CDC25A: variants seen among roughly 807,000 people sequenced by gnomAD.
CDC25A encodes M-phase inducer phosphatase 1.
A neutral mutation model predicts 64.6 loss-of-function variants in CDC25A; 17 were observed. The observed-to-expected ratio is 0.26, with a 90% confidence interval of 0.18 to 0.39. The LOEUF (loss-of-function observed/expected upper bound fraction) is 0.39. CDC25A is among the 10% of genes least tolerant of loss of function. CDC25A has a pLI of 1.00. For synonymous variants in CDC25A, 229 were observed against 238.6 expected, an observed-to-expected ratio of 0.96 and a Z score of 0.37; for missense variants, 473 against 654.8, an observed-to-expected ratio of 0.72 and a Z score of 3.03.
At position 48,182,980 on chromosome 3, in the gene CDC25A, A is replaced by G. The variant is rs2032721167; in HGVS notation, c.378T>C (p.Ser126=). 8 of 1,613,836 alleles carry G rather than the reference A, an allele frequency of 5.0e-6. No individual in the cohort carries two copies. Among genetic ancestry groups the G allele is most frequent in the Non-Finnish European group, 6.8e-6 (8 of 1,179,786 alleles). Residue 126 remains serine (S), a synonymous_variant, in exon 5 of 15, where the codon TCT becomes TCC. Transcript: ENST00000302506. ...TGAGCTGAAAGATGTCATGGTCAAGAGAATCAGAATGGCTCCTCTTCAGAG... is the reference window on the plus strand; with the variant it reads ...TGAGCTGAAAGATGTCATGGTCAAGGGAATCAGAATGGCTCCTCTTCAGAG... The part of the protein sequence containing the change: ...SPALKRSHSD[S]LDHDIFQLID...
At chr3:48,181,620 G>C (rs1045300070) in intron 5 of CDC25A, 2 of 1,432,410 alleles carry the variant, frequency 1.4e-6, no homozygotes. Context: ...TTTGTCACTG[G>C]ATGTTATTTA....
rs1219411865 is a variant in CDC25A at position 48,187,804 on chromosome 3, A to C, written c.144T>G (p.Thr48=). The C allele has an allele frequency of 1.3e-6, 2 of 1,548,270 alleles. No homozygotes were observed. The change falls in exon 1 of 15, where the codon ACT becomes ACG. Residue 48 remains threonine (T), a synonymous_variant. Coordinates refer to ENST00000302506, the MANE Select transcript of CDC25A (RefSeq NM_001789.3). ...GLSPVTNLTV[T]MDQLQGLGSD... ...TGCCCAGACCCTGCAGCTGGTCCATAGTGACGGTCAGGTTGGTGACAGGCG... is the reference window on the plus strand; with the variant it reads ...TGCCCAGACCCTGCAGCTGGTCCATCGTGACGGTCAGGTTGGTGACAGGCG...
At position 48,157,882 on chromosome 3, in the gene CDC25A, T is replaced by C. The variant is rs962935770; in HGVS notation, c.*1063A>G. Reference sequence around the variant, plus strand: ...TCCATCCAACACTGATTTGATACTCTTTGACTCATAATATGACCATTTTTT... The same window carrying C: ...TCCATCCAACACTGATTTGATACTCCTTGACTCATAATATGACCATTTTTT... On this transcript the variant is annotated 3_prime_UTR_variant, in exon 15 of 15. Coordinates refer to ENST00000302506, the MANE Select transcript of CDC25A (RefSeq NM_001789.3). 1 of 152,662 alleles carries C rather than the reference T, an allele frequency of 6.6e-6. No individual in the cohort carries two copies. Among genetic ancestry groups the C allele is most frequent in the African/African-American group, 2.4e-5 (1 of 41,444 alleles). 9.5% of individuals were successfully genotyped at this position (152,662 alleles called of 1,614,324 possible).
chr3:48,180,940 C>T (rs908977790), intron 5 of CDC25A, 100 bp from the exon 6 acceptor site: 3 of 1,147,598 alleles, frequency 2.6e-6, no homozygotes, highest in East Asian at 2.4e-5. Flanking sequence ...ACCTTTCTGC[C>T]TCCAAATTAA....
intron 9 of CDC25A, among the ~76,000 whole-genome samples, chr3:48,171,142 C>T (rs1255404490): frequency 6.6e-6 from 1 of 151,826 alleles, no homozygotes; most frequent in South Asian, 2.1e-4. Context: ...GAGGCCAAGG[C>T]GGATATATCA....
intron 12 of CDC25A, among the ~76,000 whole-genome samples, chr3:48,165,107 C>CAAAAAAAAAAAAAAAAAAAAAAA (rs11370901): frequency 1.2e-5 from 1 of 84,972 alleles, no homozygotes; most frequent in Non-Finnish European, 2.3e-5. Flanking sequence ...GACTCTGTCT[C>CAAAAAAAAAAAAAAAAAAAAAAA]AAAAAAAAAA....
chr3:48,174,321 C>A lies in CDC25A; in HGVS notation c.893G>T (p.Ser298Ile), dbSNP rs1268373128. 1.2e-6 allele frequency: 2 copies of A among 1,614,118 alleles called. No homozygotes were observed. Among genetic ancestry groups the A allele is most frequent in the Non-Finnish European group, 8.5e-7 (1 of 1,180,000 alleles). ...CTCTGGATTAGTTGACTCTTTGGGG[C>A]TGGCCCCAGACATGCTCTTCCTCCT... is the stretch of plus-strand genomic sequence containing the variant. ...TKRRKSMSGA[S>I]PKESTNPEKA... The change falls in exon 9 of 15, where the codon AGC (serine) becomes ATC (isoleucine). Residue 298 changes from serine to isoleucine, a missense_variant. Physicochemically the swap from Ser to Ile is moderately radical, Grantham distance 142. This residue lies in a region of CDC25A where 376 missense variants were observed against 431.9 expected (regional missense o/e 0.87). Coordinates refer to ENST00000302506, the MANE Select transcript of CDC25A (RefSeq NM_001789.3).
In CDC25A at chr3:48,165,952, T is replaced by C. The variant is rs190595789; in HGVS notation, c.1030-59A>G. 707 of 1,165,004 alleles carry C rather than the reference T, an allele frequency of 6.1e-4. 3 individuals are homozygous for C. The African/African-American group carries it at 8.8e-3, about 14-fold the overall frequency. The allele number at this position is 1,165,004 out of a possible 1,614,324, so 72.2% of individuals were successfully genotyped here. A position where few individuals can be genotyped will look rare whatever the true frequency, so the allele number is the denominator to read the frequency against. On this transcript the variant is annotated intron_variant, in intron 10 of 14. Coordinates refer to ENST00000302506, the MANE Select transcript of CDC25A (RefSeq NM_001789.3). ...AAAGCCTATATATTATTCACACTTATACTGTTTTGTCTGGCTGGTAGGAGG... is the reference window on the plus strand; with the variant it reads ...AAAGCCTATATATTATTCACACTTACACTGTTTTGTCTGGCTGGTAGGAGG...
At chr3:48,169,779 G>GCA (rs1157089498) in intron 9 of CDC25A, among the ~76,000 whole-genome samples, 2 of 152,152 alleles carry the variant, frequency 1.3e-5, no homozygotes, top group African/African-American at 4.8e-5. Context: ...AGGCCGAGGT[G>GCA]AGTGGATCAC....
At chr3:48,183,125 G>T (rs1212871940) in intron 4 of CDC25A, 95 bp from the exon 5 acceptor site, 5 of 779,396 alleles carry the variant, frequency 6.4e-6, no homozygotes, top group Non-Finnish European at 8.8e-6. Context: ...GGTTGAATAG[G>T]GGGTAGACTA....
chr3:48,188,367 T>G lies in CDC25A; in HGVS notation c.-420A>C. The G allele has an allele frequency of 1.2e-5, 2 of 160,426 alleles. No homozygotes were observed. Among genetic ancestry groups the G allele is most frequent in the Non-Finnish European group, 1.4e-5 (1 of 73,774 alleles). 9.9% of individuals were successfully genotyped at this position (160,426 alleles called of 1,614,324 possible). ...GAAAACCAAGCCGACCTACACCTCT[T>G]ACCCAGGCTGTCGCAGCCAGGCCGG... On this transcript the variant is annotated 5_prime_UTR_variant, in exon 1 of 15. Coordinates refer to ENST00000302506, the MANE Select transcript of CDC25A (RefSeq NM_001789.3).
intron 4 of CDC25A, 45 bp downstream of exon 4, chr3:48,183,755 A>AC: frequency 8.0e-7 from 1 of 1,243,808 alleles, no homozygotes; most frequent in Non-Finnish European, 1.2e-6. Context: ...TAGCTAAGGA[A>AC]CAGATAACAG....
chr3:48,170,980 A>T (rs2032248786), intron 9 of CDC25A, among the ~76,000 whole-genome samples: 1 of 152,182 alleles, frequency 6.6e-6, no homozygotes, highest in East Asian at 1.9e-4. Context: ...CATGAGGGCC[A>T]ATATATATAC....
intron 5 of CDC25A, among the ~76,000 whole-genome samples, chr3:48,182,684 T>C (rs1296519263): frequency 4.6e-5 from 7 of 152,208 alleles, no homozygotes; most frequent in Admixed American, 4.6e-4. Flanking sequence ...ATCTTACTTA[T>C]TGCCACAACA....
Position 48,186,771 on chromosome 3 carries a change from T to A in CDC25A, c.179A>T (p.Glu60Val), listed in dbSNP as rs2032860052. Residue 60 changes from glutamate (E) to valine (V), a missense_variant, in exon 2 of 15, where the codon GAG becomes GTG. Around this residue, in one of 2 missense-constraint regions of CDC25A, gnomAD observed 376 missense variants for 431.9 expected, o/e 0.87. Transcript: ENST00000302506. The part of the protein sequence containing the change: ...DQLQGLGSDY[E>V]QPLEVKNNSN... ...GTTGTTCTTCACCTCCAGTGGTTGCTCATAATCACTGAAACCAACAGAAAT... is the reference window on the plus strand; with the variant it reads ...GTTGTTCTTCACCTCCAGTGGTTGCACATAATCACTGAAACCAACAGAAAT... 6.3e-7 allele frequency: 1 copy of A among 1,590,228 alleles called. No individual in the cohort carries two copies. Among genetic ancestry groups the A allele is most frequent in the Admixed American group, 1.7e-5 (1 of 58,616 alleles).
At chr3:48,162,268 G>GTA (rs2031802814) in intron 13 of CDC25A, among the ~76,000 whole-genome samples, 2 of 141,098 alleles carry the variant, frequency 1.4e-5, no homozygotes, top group African/African-American at 5.7e-5. Context: ...TATAACCTTT[G>GTA]TGTGTGTGTG....
chr3:48,174,171 A>C (rs929801676), intron 9 of CDC25A, 113 bp downstream of exon 9: 2 of 1,022,568 alleles, frequency 2.0e-6, no homozygotes, highest in African/African-American at 3.2e-5. Context: ...ACACAACCCC[A>C]CAAAACCCCA....
intron 10 of CDC25A, among the ~76,000 whole-genome samples, chr3:48,166,698 C>A (rs763623396): frequency 3.3e-5 from 5 of 152,162 alleles, no homozygotes; most frequent in Non-Finnish European, 4.4e-5. Flanking sequence ...GTTCATCTAT[C>A]CCCATGCATA....
intron 9 of CDC25A, among the ~76,000 whole-genome samples, chr3:48,173,487 C>G (rs1331437595): frequency 6.6e-6 from 1 of 152,226 alleles, no homozygotes; most frequent in Non-Finnish European, 1.5e-5. Context: ...TCTCCCTAGG[C>G]AAAGGATGGC....
Sources: allele counts gnomAD v4.1 joint callset (sites outside exome capture counted in the v4.1 genomes callset), GRCh38; gene constraint gnomAD v4.1.1; regional missense constraint gnomAD v4.1.1; transcripts MANE v1.5; gene names NCBI Gene and HGNC (gene_info 2026-07-23, HGNC 2026-07-21).